The following SEMA3E variants were observed in gnomAD, a reference collection of about 807,000 sequenced individuals.
The protein encoded by SEMA3E is semaphorin 3E.
SEMA3E carries 49 observed loss-of-function variants against 93.6 expected under a neutral mutation model. The observed-to-expected ratio is 0.52, with a 90% CI of 0.42 to 0.66. The LOEUF (loss-of-function observed/expected upper bound fraction) is 0.66, where lower values mean the gene tolerates loss of function less well. Among genes scored for constraint, SEMA3E ranks in the 30% least tolerant of loss-of-function variants. The pLI, the probability that SEMA3E is intolerant of heterozygous loss-of-function variation, is 0.00. For missense variants in SEMA3E, 906 were observed against 964.8 expected (o/e 0.94, Z 0.81); for synonymous variants, 363 against 330.7 (o/e 1.10, Z -1.06).
At chr7:83,458,394 AG>A (rs1222289723) in intron 4 of SEMA3E, among the ~76,000 whole-genome samples, 1 of 152,014 alleles carries the variant, frequency 6.6e-6, no homozygotes, top group African/African-American at 2.4e-5. Flanking sequence ...AGATCAATTA[AG>A]AATAGACAAA....
intron 16 of SEMA3E, 106 bp downstream of exon 16, chr7:83,385,188 T>A: frequency 6.6e-6 from 8 of 1,210,762 alleles, no homozygotes; most frequent in African/African-American, 1.5e-5. Flanking sequence ...AAGGCATGCA[T>A]AGTACAACAG....
chr7:83,557,877 G>C (rs915201822), intron 1 of SEMA3E, among the ~76,000 whole-genome samples: 1 of 152,056 alleles, frequency 6.6e-6, no homozygotes, highest in Non-Finnish European at 1.5e-5. Flanking sequence ...TAGGACATTA[G>C]CACTTTGTCC....
chr7:83,484,727 T>C (rs937789597), intron 2 of SEMA3E, among the ~76,000 whole-genome samples: 1 of 152,232 alleles, frequency 6.6e-6, no homozygotes, highest in African/African-American at 2.4e-5. Flanking sequence ...ATATCTGGCA[T>C]TATAATATTA....
intron 1 of SEMA3E, among the ~76,000 whole-genome samples, chr7:83,582,752 T>A (rs1793498763): frequency 6.6e-6 from 1 of 152,088 alleles, no homozygotes; most frequent in African/African-American, 2.4e-5. Flanking sequence ...TTTTCTTCTT[T>A]ACATAACAAT....
intron 1 of SEMA3E, among the ~76,000 whole-genome samples, chr7:83,626,992 C>T (rs1356537629): frequency 6.6e-6 from 1 of 152,136 alleles, no homozygotes; most frequent in Non-Finnish European, 1.5e-5. Flanking sequence ...GCAGATTGTT[C>T]AGTTTCCATG....
At chr7:83,409,023 A>T (rs1039088665) in intron 5 of SEMA3E, among the ~76,000 whole-genome samples, 3 of 152,188 alleles carry the variant, frequency 2.0e-5, no homozygotes, top group African/African-American at 7.2e-5. Context: ...TAATCCAATC[A>T]GTTGTCATTC....
intron 1 of SEMA3E, among the ~76,000 whole-genome samples, chr7:83,568,947 T>C (rs1485660669): frequency 6.6e-6 from 1 of 152,112 alleles, no homozygotes; most frequent in Non-Finnish European, 1.5e-5. Flanking sequence ...GTTATTCTTC[T>C]TTGCTGTTGA....
In SEMA3E at chr7:83,363,772, G is replaced by A. The variant is rs1794619340; in HGVS notation, c.*3814C>T. ...GTATGGACTTCTTATTATAAATGTT[G>A]CATTTTCTCTTGGAATCCAAATATC... On this transcript the variant is annotated 3_prime_UTR_variant, in exon 17 of 17. Transcript: ENST00000643230. The A allele has an allele frequency of 6.8e-6, 1 of 147,900 alleles. No individual in the cohort carries two copies. The highest frequency in any genetic ancestry group is 2.1e-4 in the South Asian group (1 of 4,724). The allele number at this position is 147,900 out of a possible 1,614,324, so 9.2% of individuals were successfully genotyped here. A position where few individuals can be genotyped will look rare whatever the true frequency, so the allele number is the denominator to read the frequency against.
intron 1 of SEMA3E, among the ~76,000 whole-genome samples, chr7:83,570,553 A>AAAAAAAAAAAAAAAAAAAAAAAAAC (rs1792262247): frequency 1.7e-5 from 1 of 58,958 alleles, no homozygotes; most frequent in African/African-American, 9.4e-5. Flanking sequence ...ACTCCGTCTC[A>AAAAAAAAAAAAAAAAAAAAAAAAAC]AAAAAAAAAA....
chr7:83,606,627 GGGGAGGGATAGCATT>G (rs1793125845), intron 1 of SEMA3E, among the ~76,000 whole-genome samples: 1 of 135,748 alleles, frequency 7.4e-6, no homozygotes, highest in African/African-American at 2.8e-5. Flanking sequence ...TCGGGGGAGG[GGGGAGGGATAGCATT>G]GGGAGATATA....
chr7:83,544,351 T>C (rs1791601895), intron 1 of SEMA3E, among the ~76,000 whole-genome samples: 1 of 152,140 alleles, frequency 6.6e-6, no homozygotes, highest in Non-Finnish European at 1.5e-5. Context: ...GTGTTAATTC[T>C]TCATTCGAGC....
intron 4 of SEMA3E, among the ~76,000 whole-genome samples, chr7:83,458,674 C>G (rs1463430789): frequency 2.0e-5 from 3 of 151,722 alleles, no homozygotes; most frequent in African/African-American, 7.3e-5. Context: ...ATGGTACATC[C>G]AACGGGGTGA....
At chr7:83,428,122 G>A (rs1422077172) in intron 4 of SEMA3E, among the ~76,000 whole-genome samples, 1 of 151,894 alleles carries the variant, frequency 6.6e-6, no homozygotes, top group East Asian at 1.9e-4. Context: ...TTTCCTCTTT[G>A]GGCCTTGAGG....
intron 4 of SEMA3E, among the ~76,000 whole-genome samples, chr7:83,450,729 C>T (rs1789342098): frequency 6.6e-6 from 1 of 151,936 alleles, no homozygotes; most frequent in Non-Finnish European, 1.5e-5. Context: ...GTATACTTTT[C>T]TTTATTCATT....
chr7:83,542,806 C>A (rs1791564703), intron 1 of SEMA3E, among the ~76,000 whole-genome samples: 1 of 152,086 alleles, frequency 6.6e-6, no homozygotes, highest in Non-Finnish European at 1.5e-5. Context: ...AGTAATTTAT[C>A]TGCTTTCATG....
rs1358691137 is a variant in SEMA3E at position 83,366,732 on chromosome 7, T to G, written c.*854A>C. Reference sequence around the variant, plus strand: ...GAACTTGATGTATCCATGTACCTACTGATAATCTGCTTTCAAATCTTTCCT... The same window carrying G: ...GAACTTGATGTATCCATGTACCTACGGATAATCTGCTTTCAAATCTTTCCT... On this transcript the variant is annotated 3_prime_UTR_variant, in exon 17 of 17. Coordinates refer to ENST00000643230, the MANE Select transcript of SEMA3E (RefSeq NM_012431.3). 1.3e-5 allele frequency: 2 copies of G among 152,178 alleles called. No individual in the cohort carries two copies. Among genetic ancestry groups the G allele is most frequent in the Non-Finnish European group, 2.9e-5 (2 of 67,998 alleles). 9.4% of individuals were successfully genotyped at this position (152,178 alleles called of 1,614,324 possible). A position where few individuals can be genotyped will look rare whatever the true frequency, so the allele number is the denominator to read the frequency against.
chr7:83,636,865 A>G (rs1793891463), intron 1 of SEMA3E, among the ~76,000 whole-genome samples: 1 of 152,138 alleles, frequency 6.6e-6, no homozygotes, highest in Non-Finnish European at 1.5e-5. Flanking sequence ...GTTCATGTTC[A>G]AGACTGAGCT....
intron 1 of SEMA3E, among the ~76,000 whole-genome samples, chr7:83,611,292 TTA>T (rs932351751): frequency 3.5e-5 from 5 of 143,600 alleles, no homozygotes; most frequent in East Asian, 3.9e-4. Context: ...TATATTAAAT[TTA>T]TATATTATAT....
chr7:83,469,363 A>G (rs373626165), intron 2 of SEMA3E, 61 bp from the exon 3 acceptor site: 22 of 1,192,704 alleles, frequency 1.8e-5, no homozygotes, highest in African/African-American at 6.1e-5. Flanking sequence ...CACACTGAAA[A>G]CCATTTCACT....
Sources: gnomAD v4.1 joint callset for allele counts (sites outside exome capture counted in the v4.1 genomes callset) on GRCh38, gnomAD v4.1.1 for gene constraint, MANE v1.5 for transcripts, NCBI Gene and HGNC (gene_info 2026-07-23, HGNC 2026-07-21) for gene names.